EDA: variants seen among roughly 807,000 people sequenced by gnomAD.
EDA encodes the protein ectodysplasin-A.
In EDA, 2 loss-of-function variants were observed where a neutral mutation model predicts 23.6. That is an observed-to-expected ratio of 0.08 (90% CI 0.03 to 0.27). The LOEUF (loss-of-function observed/expected upper bound fraction) is 0.27, where lower values mean the gene tolerates loss of function less well. EDA is among the 10% of genes least tolerant of loss of function. The pLI, the probability that EDA is intolerant of heterozygous loss-of-function variation, is 1.00. For missense variants in EDA, 229 were observed against 324.2 expected (o/e 0.71, Z 2.26); for synonymous variants, 131 against 132.0 (o/e 0.99, Z 0.05).
intron 1 of EDA, among the ~76,000 whole-genome samples, chrX:69,645,598 G>GTATATATATATATATATATATATATA (rs1398841742): frequency 3.1e-5 from 1 of 31,998 alleles, no homozygotes; most frequent in Non-Finnish European, 4.9e-5. Context: ...ATATATGTGT[G>GTATATATATATATATATATATATATA]TGTGTATATA....
At chrX:69,996,098 T>C (rs2019652858) in intron 2 of EDA, among the ~76,000 whole-genome samples, 1 of 111,226 alleles carries the variant, frequency 9.0e-6, no homozygotes, top group African/African-American at 3.3e-5. Context: ...AAGGGAAGAG[T>C]AGAGAAAAAG....
At chrX:69,709,620 C>G (rs926108748) in intron 1 of EDA, among the ~76,000 whole-genome samples, 1 of 111,675 alleles carries the variant, frequency 9.0e-6, no homozygotes, top group African/African-American at 3.3e-5. Flanking sequence ...TGAACCCATA[C>G]TAGCTCCTAG....
chrX:69,675,539 C>T lies in EDA; in HGVS notation c.396+58835C>T, dbSNP rs191093153. Among the ~76,000 whole-genome samples the T allele has an allele frequency of 5.4e-5, 6 of 111,397 alleles. No individual in the cohort carries two copies. In the East Asian group the frequency reaches 1.7e-3, roughly 32 times the overall value. On this transcript the variant is annotated intron_variant, in intron 1 of 7. Coordinates refer to ENST00000374552, the MANE Select transcript of EDA (RefSeq NM_001399.5). ...TCCTCCTCTTTTGCTCCACCTATTC[C>T]ATTAGTTGCCCTGCTATATGAATTC...
At chrX:69,923,603 G>A (rs1419823556) in intron 1 of EDA, among the ~76,000 whole-genome samples, 1 of 111,850 alleles carries the variant, frequency 8.9e-6, no homozygotes, top group Non-Finnish European at 1.9e-5. Context: ...AAACATACAT[G>A]TGCATGTGTC....
intron 1 of EDA, among the ~76,000 whole-genome samples, chrX:69,835,343 G>A (rs1463608024): frequency 8.9e-6 from 1 of 111,994 alleles, no homozygotes; most frequent in African/African-American, 3.2e-5. Flanking sequence ...TCACTTTCAG[G>A]TACACCAGTC....
intron 1 of EDA, among the ~76,000 whole-genome samples, chrX:69,691,277 T>G (rs1390031816): frequency 8.9e-6 from 1 of 111,802 alleles, no homozygotes; most frequent in African/African-American, 3.2e-5. Context: ...GTGTAAAATC[T>G]CTAGCACAAT....
At position 69,934,677 on chromosome X, in the gene EDA, C is replaced by T. The variant is rs182630829; in HGVS notation, c.397-22350C>T. Among the ~76,000 whole-genome samples the T allele has an allele frequency of 3.6e-5, 4 of 110,916 alleles. No individual in the cohort carries two copies. The East Asian group carries it at 1.1e-3, about 31-fold the overall frequency. ...GGTATATATATATTTATGGGTTACA[C>T]GAGATATTTTGATACAGGCACACAA... On this transcript the variant is annotated intron_variant, in intron 1 of 7. Transcript: ENST00000374552.
chrX:69,860,951 G>A (rs2017371382), intron 1 of EDA: 1 of 519,928 alleles, frequency 1.9e-6, no homozygotes, highest in African/African-American at 2.3e-5. Context: ...GTCCCTCAGT[G>A]GGAGCTGTTT....
intron 3 of EDA, among the ~76,000 whole-genome samples, chrX:70,027,253 T>G (rs765326773): frequency 8.9e-6 from 1 of 111,793 alleles, no homozygotes; most frequent in Admixed American, 9.5e-5. Flanking sequence ...GTAGCACTTC[T>G]ACTATCCCAT....
intron 1 of EDA, among the ~76,000 whole-genome samples, chrX:69,780,612 GT>G (rs1049143091): frequency 9.0e-6 from 1 of 111,198 alleles, no homozygotes; most frequent in Non-Finnish European, 1.9e-5. Context: ...GAGGTACCTG[GT>G]GAGAAGTGAT....
At chrX:69,699,384 G>C (rs1418336794) in intron 1 of EDA, among the ~76,000 whole-genome samples, 1 of 111,229 alleles carries the variant, frequency 9.0e-6, no homozygotes, top group Non-Finnish European at 1.9e-5. Context: ...GCATGGCCGA[G>C]TTTAGATGGG....
chrX:69,901,543 T>C (rs2018098576), intron 1 of EDA, among the ~76,000 whole-genome samples: 1 of 111,615 alleles, frequency 9.0e-6, no homozygotes, highest in Admixed American at 9.6e-5. Context: ...AAGGATGACT[T>C]TTCTTTTCCT....
chrX:70,010,358 C>CCAT (rs1569400083), intron 2 of EDA, among the ~76,000 whole-genome samples: 1 of 111,941 alleles, frequency 8.9e-6, no homozygotes, highest in Non-Finnish European at 1.9e-5. Flanking sequence ...AATGTAATAC[C>CCAT]CATCTTTTTC....
At chrX:69,803,238 A>G (rs772535414) in intron 1 of EDA, among the ~76,000 whole-genome samples, 1 of 111,204 alleles carries the variant, frequency 9.0e-6, no homozygotes, top group Non-Finnish European at 1.9e-5. Context: ...TATTTTTTCA[A>G]AGCTTGCTTT....
rs1403953502 is a variant in EDA, at chrX:69,959,784, T to C, written c.502+2652T>C. ...GAGAGTGATGGGGTATGCTGTAAGA[T>C]GATCAAGGAAGGTACTCTGATAAGG... On this transcript the variant is annotated intron_variant, in intron 2 of 7. Transcript: ENST00000374552. Among the ~76,000 whole-genome samples the C allele has an allele frequency of 6.6e-5, 3 of 45,596 alleles. No homozygotes were observed. In the East Asian group the frequency reaches 2.1e-3, roughly 32 times the overall value. 39.6% of individuals were successfully genotyped at this position (45,596 alleles called of 115,157 possible). A position where few individuals can be genotyped will look rare whatever the true frequency, so the allele number is the denominator to read the frequency against.
intron 1 of EDA, among the ~76,000 whole-genome samples, chrX:69,711,645 C>T (rs1473439159): frequency 1.8e-5 from 2 of 111,328 alleles, no homozygotes; most frequent in African/African-American, 6.5e-5. Flanking sequence ...GGTTGGTAGG[C>T]TATTAATTAT....
At chrX:70,035,192 C>T (rs910603238) in intron 7 of EDA, among the ~76,000 whole-genome samples, 166 bp from the exon 8 acceptor site, 1 of 111,970 alleles carries the variant, frequency 8.9e-6, no homozygotes, top group African/African-American at 3.3e-5. Context: ...ATGCCTGTCA[C>T]CTGTCCTTTC....
intron 2 of EDA, among the ~76,000 whole-genome samples, chrX:69,969,946 A>T (rs776992395): frequency 1.5e-4 from 16 of 110,282 alleles, no homozygotes; most frequent in East Asian, 5.8e-4. Context: ...CTCAAAAAAA[A>T]TTTTTTTTAA....
chrX:69,752,155 A>C (rs968741913), intron 1 of EDA, among the ~76,000 whole-genome samples: 1 of 111,184 alleles, frequency 9.0e-6, no homozygotes, highest in Non-Finnish European at 1.9e-5. Context: ...GTCTTGTGCC[A>C]GTTTTCAAAG....
Sources: allele counts gnomAD v4.1 joint callset (sites outside exome capture counted in the v4.1 genomes callset), GRCh38; gene constraint gnomAD v4.1.1; transcripts MANE v1.5; gene names NCBI Gene and HGNC (gene_info 2026-07-23, HGNC 2026-07-21).